The following RARRES1 variants were observed in gnomAD, a reference collection of about 807,000 sequenced individuals.
RARRES1 encodes retinoic acid receptor responder 1.
Under a neutral mutation model 30.6 loss-of-function variants are expected in RARRES1, and 34 were observed. The ratio of observed to expected loss-of-function variants is 1.11; its 90% CI spans 0.84 to 1.48. The LOEUF (loss-of-function observed/expected upper bound fraction) is 1.48, where lower values mean the gene tolerates loss of function less well. RARRES1 is among the 40% of genes most tolerant of loss of function. The probability of loss-of-function intolerance (pLI) is 0.00; values close to 1 mark genes in which losing one functional copy is unlikely to be tolerated. For synonymous variants in RARRES1, 153 were observed against 155.5 expected, an observed-to-expected ratio of 0.98 and a Z score of 0.12; for missense variants, 373 against 386.5, an observed-to-expected ratio of 0.97 and a Z score of 0.29.
chr3:158,720,802 T>G (rs1292444770), intron 1 of RARRES1, among the ~76,000 whole-genome samples: 2 of 152,182 alleles, frequency 1.3e-5, no homozygotes, highest in Non-Finnish European at 1.5e-5. Flanking sequence ...CATATCCACA[T>G]GGCCTTAATA....
intron 1 of RARRES1, among the ~76,000 whole-genome samples, chr3:158,728,267 T>C (rs977658466): frequency 6.6e-6 from 1 of 151,466 alleles, no homozygotes; most frequent in African/African-American, 2.4e-5. Flanking sequence ...TAGTGAGCCC[T>C]TAGTTTGAAA....
At chr3:158,698,606 CTT>C (rs1726626966) in intron 4 of RARRES1, among the ~76,000 whole-genome samples, 2 of 151,604 alleles carry the variant, frequency 1.3e-5, no homozygotes, top group African/African-American at 4.8e-5. Flanking sequence ...GTCTTCATCT[CTT>C]TTATTCACAT....
At position 158,698,271 on chromosome 3, in the gene RARRES1, A is replaced by C. The variant is rs115183553; in HGVS notation, c.673-301T>G. 491 of 284,712 alleles carry C rather than the reference A, an allele frequency of 1.7e-3. 4 individuals carry two copies. Among genetic ancestry groups the C allele is most frequent in the African/African-American group, 0.01 (462 of 45,178 alleles). 17.6% of individuals were successfully genotyped at this position (284,712 alleles called of 1,614,324 possible). On this transcript the variant is annotated intron_variant, in intron 4 of 5. Transcript: ENST00000237696. ...TTAAGGATCTAGATACTGTATATAT[A>C]CCTCAAGCTGATATATTAGCCCTGA...
At chr3:158,711,821 C>T (rs185195699) in intron 2 of RARRES1, among the ~76,000 whole-genome samples, 2 of 152,226 alleles carry the variant, frequency 1.3e-5, no homozygotes, top group African/African-American at 4.8e-5. Context: ...GTCTCGACCT[C>T]CTGACCTCGT....
intron 1 of RARRES1, among the ~76,000 whole-genome samples, chr3:158,724,079 A>G (rs981674031): frequency 2.0e-5 from 3 of 152,182 alleles, no homozygotes; most frequent in Non-Finnish European, 4.4e-5. Context: ...AAAGCAGCCT[A>G]TGGTCGAGTA....
intron 4 of RARRES1, among the ~76,000 whole-genome samples, chr3:158,701,376 ACT>A (rs1049417084): frequency 1.3e-5 from 2 of 149,218 alleles, no homozygotes; most frequent in African/African-American, 4.9e-5. Context: ...TTTTTTGCAC[ACT>A]CTTCCCTCAG....
Position 158,697,589 on chromosome 3 carries a change from A to T in RARRES1, c.*89T>A. 7.6e-7 allele frequency: 1 copy of T among 1,316,826 alleles called. No homozygotes were observed. The highest frequency in any genetic ancestry group is 1.0e-6 in the Non-Finnish European group (1 of 958,232). 81.6% of individuals were successfully genotyped at this position (1,316,826 alleles called of 1,614,324 possible). A position where few individuals can be genotyped will look rare whatever the true frequency, so the allele number is the denominator to read the frequency against. ...TCATAGGTTTTCCCAAATTATTAGAATGTCTATACCTTAGCTGTTTTACTA... is the reference window on the plus strand; with the variant it reads ...TCATAGGTTTTCCCAAATTATTAGATTGTCTATACCTTAGCTGTTTTACTA... On this transcript the variant is annotated 3_prime_UTR_variant, in exon 6 of 6. Transcript: ENST00000237696.
At chr3:158,704,229 T>TC (rs1242441268) in intron 4 of RARRES1, among the ~76,000 whole-genome samples, 1 of 119,568 alleles carries the variant, frequency 8.4e-6, no homozygotes, top group East Asian at 2.6e-4. Context: ...TTTTTTTTTT[T>TC]TTTTTTTTTT....
At chr3:158,706,145 C>T (rs938330902) in intron 3 of RARRES1, among the ~76,000 whole-genome samples, 3 of 152,162 alleles carry the variant, frequency 2.0e-5, no homozygotes, top group Non-Finnish European at 4.4e-5. Flanking sequence ...AGTTTATACT[C>T]AGAGGTAATT....
intron 1 of RARRES1, among the ~76,000 whole-genome samples, chr3:158,714,780 G>A (rs1176634220): frequency 1.3e-5 from 2 of 152,172 alleles, no homozygotes; most frequent in South Asian, 4.1e-4. Flanking sequence ...AAGGGAACTT[G>A]CTGTTGTATA....
Position 158,697,494 on chromosome 3 carries a change from G to A in RARRES1, c.*184C>T. 1 of 625,494 alleles carries A rather than the reference G, an allele frequency of 1.6e-6. No individual in the cohort carries two copies. The highest frequency in any genetic ancestry group is 2.7e-6 in the Non-Finnish European group (1 of 374,280). 38.7% of individuals were successfully genotyped at this position (625,494 alleles called of 1,614,324 possible). On this transcript the variant is annotated 3_prime_UTR_variant, in exon 6 of 6. Coordinates refer to ENST00000237696, the MANE Select transcript of RARRES1 (RefSeq NM_206963.2). ...AGAGTTCAGTGTGCATGCGCTTCCA[G>A]AGTTAAAAGCTAAAGCAGACTGAGA... is the stretch of plus-strand genomic sequence containing the variant.
Position 158,697,451 on chromosome 3 carries a change from G to C in RARRES1, c.*227C>G, listed in dbSNP as rs1291568220. 2.5e-6 allele frequency: 1 copy of C among 395,902 alleles called. No individual in the cohort carries two copies. Among genetic ancestry groups the C allele is most frequent in the Admixed American group, 4.2e-5 (1 of 23,960 alleles). The allele number at this position is 395,902 out of a possible 1,614,324, so 24.5% of individuals were successfully genotyped here. ...CTGAAACCCTGAGGAACCTGCTGGT[G>C]ACTGTTTAGCACTGAGCAGAGTTCA... On this transcript the variant is annotated 3_prime_UTR_variant, in exon 6 of 6. Transcript: ENST00000237696.
intron 1 of RARRES1, among the ~76,000 whole-genome samples, chr3:158,714,771 A>G (rs1431170169): frequency 6.6e-6 from 1 of 152,230 alleles, no homozygotes; most frequent in Non-Finnish European, 1.5e-5. Context: ...TAGAGAGGAA[A>G]GGGAACTTGC....
At chr3:158,724,125 G>A (rs1330798048) in intron 1 of RARRES1, among the ~76,000 whole-genome samples, 1 of 152,162 alleles carries the variant, frequency 6.6e-6, no homozygotes, top group African/African-American at 2.4e-5. Flanking sequence ...GGGTTCACAT[G>A]TGAGGTTAGC....
chr3:158,707,312 T>C (rs1356052757), intron 3 of RARRES1, among the ~76,000 whole-genome samples: 1 of 152,082 alleles, frequency 6.6e-6, no homozygotes, highest in Non-Finnish European at 1.5e-5. Context: ...GCAATGTGTA[T>C]AGAATCTACT....
chr3:158,724,669 C>G (rs1184689390), intron 1 of RARRES1, among the ~76,000 whole-genome samples: 1 of 152,200 alleles, frequency 6.6e-6, no homozygotes, highest in Non-Finnish European at 1.5e-5. Context: ...GTTGTTTTAA[C>G]TCACTAAATC....
At chr3:158,714,493 C>T (rs76003527) in intron 1 of RARRES1, among the ~76,000 whole-genome samples, 1 of 152,200 alleles carries the variant, frequency 6.6e-6, no homozygotes, top group Admixed American at 6.5e-5. Context: ...GGTGGAACTT[C>T]AGTCTGCAAC....
intron 1 of RARRES1, among the ~76,000 whole-genome samples, chr3:158,729,732 G>A (rs911970805): frequency 1.3e-5 from 2 of 152,046 alleles, no homozygotes; most frequent in Non-Finnish European, 2.9e-5. Flanking sequence ...GATTACAGGC[G>A]TGAGCCACCG....
chr3:158,720,273 T>TGTGTGTGTGTGTGTGTGTGTGTGA (rs1160861397), intron 1 of RARRES1, among the ~76,000 whole-genome samples: 1 of 144,452 alleles, frequency 6.9e-6, no homozygotes, highest in African/African-American at 2.6e-5. Context: ...TGTATGTGTG[T>TGTGTGTGTGTGTGTGTGTGTGTGA]GAGAGAGAGA....
Sources: allele counts gnomAD v4.1 joint callset (sites outside exome capture counted in the v4.1 genomes callset), GRCh38; gene constraint gnomAD v4.1.1; transcripts MANE v1.5; gene names NCBI Gene and HGNC (gene_info 2026-07-23, HGNC 2026-07-21).